Variants in EDRF1 observed in about 807,000 individuals in gnomAD.
EDRF1 encodes erythroid differentiation regulatory factor 1, also known as erythroid differentiation-related factor 1.
A neutral mutation model predicts 148.7 loss-of-function variants in EDRF1; 69 were observed. That is an observed-to-expected ratio of 0.46 (90% CI 0.38 to 0.57). The LOEUF is 0.57. EDRF1 is among the 20% of genes least tolerant of loss of function. The probability of loss-of-function intolerance (pLI) is 0.00; values close to 1 mark genes in which losing one functional copy is unlikely to be tolerated. For missense variants in EDRF1, 1,118 were observed against 1,478.7 expected (o/e 0.76, Z 4.00); for synonymous variants, 515 against 532.8 (o/e 0.97, Z 0.46).
At position 125,733,423 on chromosome 10, in the gene EDRF1, CAG is replaced by C; in HGVS notation, c.1150_1151del (p.Glu384ArgfsTer9). On this transcript the variant is annotated frameshift_variant, in exon 10 of 25. Transcript: ENST00000356792. LOFTEE classifies it high-confidence loss of function. ...TTACAGAAATATGAAATGATAAAGA[CAG>C]AAGAAATTCCCAATTTGGAAAATTC... 1.9e-6 allele frequency: 3 copies of C among 1,580,948 alleles called. No homozygotes were observed. The highest frequency in any genetic ancestry group is 2.6e-6 in the Non-Finnish European group (3 of 1,157,308).
At chr10:125,729,307 G>T (rs1308743792) in intron 7 of EDRF1, 51 bp from the exon 8 acceptor site, 1 of 1,602,320 alleles carries the variant, frequency 6.2e-7, no homozygotes, top group Non-Finnish European at 8.5e-7. Context: ...GATCATGGGG[G>T]GAAATTACAG....
chr10:125,749,878 C>T (rs1465933928), intron 22 of EDRF1: 9 of 351,718 alleles, frequency 2.6e-5, no homozygotes, highest in Non-Finnish European at 3.9e-5. Flanking sequence ...CAGTGGCTCA[C>T]GCCTGTAATC....
At chr10:125,721,097 C>T (rs11244622) in intron 1 of EDRF1, 107 bp from the exon 2 acceptor site, 8 of 1,053,658 alleles carry the variant, frequency 7.6e-6, no homozygotes, top group East Asian at 2.4e-5. Flanking sequence ...ATGTGGCATA[C>T]GTTCCTTGTG....
At chr10:125,758,715 G>A (rs1850042608) in intron 24 of EDRF1, among the ~76,000 whole-genome samples, 1 of 152,176 alleles carries the variant, frequency 6.6e-6, no homozygotes, top group Non-Finnish European at 1.5e-5. Context: ...GAGAGGGTCT[G>A]TCTTTATACT....
chr10:125,733,907 G>T (rs1395233019), intron 11 of EDRF1, among the ~76,000 whole-genome samples, 164 bp downstream of exon 11: 1 of 152,122 alleles, frequency 6.6e-6, no homozygotes, highest in African/African-American at 2.4e-5. Flanking sequence ...GCTTTCTTAT[G>T]CCACCATAGT....
At chr10:125,721,608 T>C (rs144241979) in intron 2 of EDRF1, among the ~76,000 whole-genome samples, 196 bp downstream of exon 2, 308 of 152,382 alleles carry the variant, frequency 2.0e-3, no homozygotes, top group African/African-American at 7.0e-3. Context: ...ACAATATCAA[T>C]TGCATATGCT....
At chr10:125,743,342 A>G in intron 18 of EDRF1, 66 bp downstream of exon 18, 1 of 1,346,826 alleles carries the variant, frequency 7.4e-7, no homozygotes, top group Non-Finnish European at 1.1e-6. Context: ...ATTTTGTATG[A>G]GTCAAGCAAA....
chr10:125,722,996 A>G (rs1848078998), intron 2 of EDRF1, 72 bp from the exon 3 acceptor site: 1 of 1,176,326 alleles, frequency 8.5e-7, no homozygotes, highest in South Asian at 1.2e-5. Flanking sequence ...GAGCTACAGT[A>G]TTGTTATTAA....
chr10:125,760,186 C>G (rs1850128704), intron 24 of EDRF1, among the ~76,000 whole-genome samples: 1 of 152,172 alleles, frequency 6.6e-6, no homozygotes. Context: ...CTTTTTCTAA[C>G]AGCAGTGGGT....
chr10:125,758,474 T>G (rs1463100690), intron 24 of EDRF1, among the ~76,000 whole-genome samples: 7 of 152,174 alleles, frequency 4.6e-5, no homozygotes, highest in African/African-American at 1.7e-4. Context: ...GCCTGGAATT[T>G]TTTGTACTTT....
chr10:125,753,922 A>G, intron 24 of EDRF1, 77 bp downstream of exon 24: 5 of 1,515,402 alleles, frequency 3.3e-6, no homozygotes, highest in Non-Finnish European at 4.6e-6. Flanking sequence ...AACATCATAA[A>G]GAAAAACTAG....
chr10:125,730,491 T>G, intron 9 of EDRF1, 92 bp downstream of exon 9: 2 of 989,992 alleles, frequency 2.0e-6, no homozygotes, highest in Admixed American at 1.7e-5. Flanking sequence ...AGTACTAAGG[T>G]GCATTTTTGC....
chr10:125,725,756 C>T lies in EDRF1; in HGVS notation c.710C>T (p.Thr237Ile), dbSNP rs1012490060. 5.6e-6 allele frequency: 9 copies of T among 1,614,004 alleles called. No homozygotes were observed. The highest frequency in any genetic ancestry group is 6.8e-6 in the Non-Finnish European group (8 of 1,180,018). ...EQQESSSSDQTNDSEGASWPA... is the reference protein window; with the variant it reads ...EQQESSSSDQINDSEGASWPA... ...CAGGAATCGTCCAGTTCAGATCAGA[C>T]AAATGATTCGGAAGGGGCTTCATGG... is the stretch of plus-strand genomic sequence containing the variant. Residue 237 changes from threonine to isoleucine, a missense_variant, in exon 6 of 25, where the codon ACA (threonine) becomes ATA (isoleucine). Around this residue, in one of 3 missense-constraint regions of EDRF1, gnomAD observed 954 missense variants for 1,241.4 expected, o/e 0.77. Coordinates refer to ENST00000356792, the MANE Select transcript of EDRF1 (RefSeq NM_001202438.2).
intron 6 of EDRF1, 56 bp from the exon 7 acceptor site, chr10:125,728,947 T>A: frequency 7.2e-7 from 1 of 1,385,686 alleles, no homozygotes; most frequent in East Asian, 2.5e-5. Context: ...CAAAAGTGGG[T>A]CAATTTTAAG....
intron 6 of EDRF1, among the ~76,000 whole-genome samples, chr10:125,728,674 T>A (rs889883657): frequency 2.0e-5 from 3 of 152,192 alleles, no homozygotes; most frequent in Admixed American, 6.5e-5. Context: ...TAGGAATTTT[T>A]AAATTCAATA....
chr10:125,730,681 TAACTG>T lies in EDRF1; in HGVS notation c.1128+285_1128+289del, dbSNP rs1232791015. 7.2e-5 allele frequency among the ~76,000 whole-genome samples: 11 copies of T among 152,358 alleles called. No individual in the cohort carries two copies. The East Asian group carries it at 2.1e-3, about 29-fold the overall frequency. On this transcript the variant is annotated intron_variant, in intron 9 of 24. Transcript: ENST00000356792. ...TTAATGCCAAGCTCTCATTAATAATTAACTGAAAGTGTCTACACAATGGAGGCGTT... is the reference window on the plus strand; with the variant it reads ...TTAATGCCAAGCTCTCATTAATAATTAAAGTGTCTACACAATGGAGGCGTT...
At chr10:125,721,108 A>C (rs552771942) in intron 1 of EDRF1, 96 bp from the exon 2 acceptor site, 1 of 1,197,564 alleles carries the variant, frequency 8.4e-7, no homozygotes, top group African/African-American at 1.5e-5. Flanking sequence ...GTTCCTTGTG[A>C]AGCCTGGTGT....
intron 22 of EDRF1, 171 bp downstream of exon 22, chr10:125,749,736 T>A: frequency 1.4e-6 from 1 of 736,568 alleles, no homozygotes; most frequent in Non-Finnish European, 2.3e-6. Context: ...TTGAAGTGCT[T>A]TTTAAAACTT....
intron 8 of EDRF1, 150 bp from the exon 9 acceptor site, chr10:125,730,138 T>C (rs1589827724): frequency 3.2e-6 from 2 of 627,996 alleles, no homozygotes; most frequent in East Asian, 2.8e-5. Flanking sequence ...CTGAGCTGCA[T>C]GTGCATATCT....
Sources: gnomAD v4.1 joint callset for allele counts (sites outside exome capture counted in the v4.1 genomes callset) on GRCh38, gnomAD v4.1.1 for gene constraint, gnomAD v4.1.1 regional missense constraint, MANE v1.5 for transcripts, NCBI Gene and HGNC (gene_info 2026-07-23, HGNC 2026-07-21) for gene names.